CKMT2: variants seen among roughly 807,000 people sequenced by gnomAD.
CKMT2 encodes creatine kinase, mitochondrial 2.
In CKMT2, 43 loss-of-function variants were observed where a neutral mutation model predicts 48.9. The ratio of observed to expected loss-of-function variants is 0.88; its 90% CI spans 0.69 to 1.13. The LOEUF is 1.13. Ranked by LOEUF, CKMT2 falls within the 50% of genes most tolerant of loss-of-function variation. The pLI is 0.00. For synonymous variants in CKMT2, 206 were observed against 213.0 expected, an observed-to-expected ratio of 0.97 and a Z score of 0.29; for missense variants, 472 against 555.4, an observed-to-expected ratio of 0.85 and a Z score of 1.51.
At chr5:81,259,414 T>G (rs964079443) in intron 8 of CKMT2, 160 bp downstream of exon 8, 10 of 581,778 alleles carry the variant, frequency 1.7e-5, no homozygotes, top group African/African-American at 1.5e-4. Flanking sequence ...AAGACATTTG[T>G]ATTAGTTAGA....
intron 1 of CKMT2, among the ~76,000 whole-genome samples, chr5:81,244,510 A>G (rs1756542303): frequency 6.6e-6 from 1 of 152,220 alleles, no homozygotes; most frequent in Non-Finnish European, 1.5e-5. Context: ...TCTACACTAC[A>G]TATGCTACAG....
At position 81,251,221 on chromosome 5, in the gene CKMT2, AC is replaced by A. The variant is rs1289550438; in HGVS notation, c.91del (p.Leu31CysfsTer2). 7 of 1,614,230 alleles carry A rather than the reference AC, an allele frequency of 4.3e-6. No individual in the cohort carries two copies. The highest frequency in any genetic ancestry group is 5.9e-6 in the Non-Finnish European group (7 of 1,180,042). On this transcript the variant is annotated frameshift_variant, in exon 2 of 10. Transcript: ENST00000254035. LOFTEE classifies it high-confidence loss of function. ...GGCACCAGTGTCCTGACCACCGGGTACCTGCTGAACCGGCAGAAAGTGTGTG... is the reference window on the plus strand; with the variant it reads ...GGCACCAGTGTCCTGACCACCGGGTACTGCTGAACCGGCAGAAAGTGTGTG... ...TMGTSVLTTG[Y>X]LLNRQKVCAE...
intron 1 of CKMT2, chr5:81,242,339 G>T: frequency 5.0e-6 from 2 of 396,454 alleles, no homozygotes; most frequent in African/African-American, 2.1e-5. Context: ...TTCATTTCTT[G>T]CATTTGAAGT....
chr5:81,236,332 A>T (rs959703640), intron 1 of CKMT2, among the ~76,000 whole-genome samples: 4 of 152,056 alleles, frequency 2.6e-5, no homozygotes, highest in African/African-American at 9.7e-5. Context: ...GCTGTATGTG[A>T]GGTGCTGCGG....
rs780452182 is a variant in CKMT2, at chr5:81,251,166, C to A, written c.34C>A (p.Arg12Ser). 3.7e-6 allele frequency: 6 copies of A among 1,614,028 alleles called. No homozygotes were observed. Among genetic ancestry groups the A allele is most frequent in the Non-Finnish European group, 5.1e-6 (6 of 1,179,956 alleles). Residue 12 changes from arginine (R) to serine (S), a missense_variant, in exon 2 of 10, where the codon CGC becomes AGC. Transcript: ENST00000254035. ...ASIFSKLLTG[R>S]NASLLFATMG... ...TATCTTTTCTAAGTTGCTAACTGGC[C>A]GCAATGCTTCTCTGCTGTTTGCTAC...
chr5:81,262,214 A>G (rs1162875577), intron 8 of CKMT2, among the ~76,000 whole-genome samples: 5 of 152,224 alleles, frequency 3.3e-5, no homozygotes, highest in Admixed American at 2.0e-4. Flanking sequence ...AGACTTAAAC[A>G]TAAGACCTAA....
At chr5:81,258,953 A>T (rs1385139883) in intron 7 of CKMT2, among the ~76,000 whole-genome samples, 167 bp from the exon 8 acceptor site, 1 of 152,136 alleles carries the variant, frequency 6.6e-6, no homozygotes, top group Non-Finnish European at 1.5e-5. Flanking sequence ...CCATTTTAAT[A>T]GTCTGGTAGG....
chr5:81,247,413 G>A (rs1580440572), intron 1 of CKMT2, among the ~76,000 whole-genome samples: 1 of 152,322 alleles, frequency 6.6e-6, no homozygotes, highest in South Asian at 2.1e-4. Context: ...ATGTTATCAT[G>A]TGTGCAAATA....
chr5:81,262,583 TCATC>T (rs1288506644), intron 8 of CKMT2, among the ~76,000 whole-genome samples: 2 of 151,868 alleles, frequency 1.3e-5, no homozygotes, highest in African/African-American at 4.8e-5. Flanking sequence ...AAATAAAAGC[TCATC>T]ATCACTGGTC....
At position 81,265,198 on chromosome 5, in the gene CKMT2, G is replaced by A. The variant is rs867828298; in HGVS notation, c.1141-941G>A. On this transcript the variant is annotated intron_variant, in intron 9 of 9. Coordinates refer to ENST00000254035, the MANE Select transcript of CKMT2 (RefSeq NM_001099735.2). ...CAAGATAGAGTCCTACTGGCAGTGA[G>A]TGAGAGACCTATCTCACCATACTCT... Among the ~76,000 whole-genome samples, 34 of 152,168 alleles carry A rather than the reference G, an allele frequency of 2.2e-4. 1 individual carries two copies. The highest frequency in any genetic ancestry group is 8.2e-4 in the African/African-American group (34 of 41,454).
At chr5:81,236,311 G>T (rs1484596989) in intron 1 of CKMT2, among the ~76,000 whole-genome samples, 1 of 152,084 alleles carries the variant, frequency 6.6e-6, no homozygotes, top group Non-Finnish European at 1.5e-5. Flanking sequence ...CCAATTGCTG[G>T]TCAGTGAAGG....
chr5:81,246,062 A>G (rs944049892), intron 1 of CKMT2, among the ~76,000 whole-genome samples: 1 of 151,416 alleles, frequency 6.6e-6, no homozygotes, highest in African/African-American at 2.4e-5. Context: ...CTTATCTCTC[A>G]CCTGGACAAT....
intron 1 of CKMT2, among the ~76,000 whole-genome samples, chr5:81,240,770 G>C (rs1756408417): frequency 6.6e-6 from 1 of 152,076 alleles, no homozygotes; most frequent in Admixed American, 6.6e-5. Context: ...TCTTGGGATT[G>C]TTTTGAAAAA....
intron 7 of CKMT2, among the ~76,000 whole-genome samples, chr5:81,258,722 T>A (rs576388722): frequency 6.6e-6 from 1 of 152,252 alleles, no homozygotes; most frequent in South Asian, 2.1e-4. Flanking sequence ...GCACAAACCC[T>A]ATTGTGAACT....
chr5:81,248,497 C>T (rs1756685960), intron 1 of CKMT2, among the ~76,000 whole-genome samples: 1 of 152,192 alleles, frequency 6.6e-6, no homozygotes, highest in Admixed American at 6.5e-5. Flanking sequence ...GACCAGGAAG[C>T]ACTGGTGCAG....
intron 1 of CKMT2, among the ~76,000 whole-genome samples, 196 bp downstream of exon 1, chr5:81,233,573 C>A (rs1477275387): frequency 6.6e-6 from 1 of 152,166 alleles, no homozygotes; most frequent in Non-Finnish European, 1.5e-5. Context: ...CTCCTCCCTG[C>A]ACACAGGTGG....
At position 81,251,125 on chromosome 5, in the gene CKMT2, G is replaced by A; in HGVS notation, c.-8G>A. 6.2e-7 allele frequency: 1 copy of A among 1,613,542 alleles called. No homozygotes were observed. The highest frequency in any genetic ancestry group is 8.5e-7 in the Non-Finnish European group (1 of 1,179,676). On this transcript the variant is annotated 5_prime_UTR_variant, in exon 2 of 10. Transcript: ENST00000254035. Reference sequence around the variant, plus strand: ...CTTTGCTTTCCAGACACTCATCCAAGAGGAAGGATGGCCAGTATCTTTTCT... The same window carrying A: ...CTTTGCTTTCCAGACACTCATCCAAAAGGAAGGATGGCCAGTATCTTTTCT...
chr5:81,266,171 C>A lies in CKMT2; in HGVS notation c.1173C>A (p.Val391=), dbSNP rs764682990. 6.2e-7 allele frequency: 1 copy of A among 1,612,488 alleles called. No individual in the cohort carries two copies. ...TTGTTCAGATAGTCATCGATGGAGT[C>A]AATTACCTGGTGGATTGTGAAAAGA... ...VELVQIVIDG[V]NYLVDCEKKL... is the part of the protein sequence containing the mutation. The change falls in exon 10 of 10, where the codon GTC becomes GTA. Residue 391 remains valine, a synonymous_variant. Transcript: ENST00000254035.
In CKMT2 at chr5:81,251,093, C is replaced by T; in HGVS notation, c.-20-20C>T. 1.9e-6 allele frequency: 3 copies of T among 1,604,976 alleles called. No homozygotes were observed. Among genetic ancestry groups the T allele is most frequent in the Non-Finnish European group, 1.7e-6 (2 of 1,174,098 alleles). ...GGGTCATCCTATGAAGCTATCTAAT[C>T]CAGCTTCTTTGCTTTCCAGACACTC... On this transcript the variant is annotated intron_variant, in intron 1 of 9. Coordinates refer to ENST00000254035, the MANE Select transcript of CKMT2 (RefSeq NM_001099735.2).
Sources: allele counts gnomAD v4.1 joint callset (sites outside exome capture counted in the v4.1 genomes callset), GRCh38; gene constraint gnomAD v4.1.1; transcripts MANE v1.5; gene names NCBI Gene and HGNC (gene_info 2026-07-23, HGNC 2026-07-21).